Variants in CACNA1B observed in about 807,000 individuals in gnomAD.
The protein encoded by CACNA1B is voltage-dependent N-type calcium channel subunit alpha-1B.
Under a neutral mutation model 247.2 loss-of-function variants are expected in CACNA1B, and 70 were observed. That is an observed-to-expected ratio of 0.28 (90% CI 0.23 to 0.35). The LOEUF is 0.35. Ranked by LOEUF, CACNA1B falls within the 10% of genes least tolerant of loss-of-function variation. CACNA1B has a pLI of 1.00. For missense variants in CACNA1B, 2,367 were observed against 3,197.4 expected, an observed-to-expected ratio of 0.74 and a Z score of 6.26; for synonymous variants, 1,231 against 1,294.4, an observed-to-expected ratio of 0.95 and a Z score of 1.05.
intron 6 of CACNA1B, among the ~76,000 whole-genome samples, chr9:137,926,404 G>A (rs1334104931): frequency 6.6e-6 from 1 of 152,158 alleles, no homozygotes; most frequent in Non-Finnish European, 1.5e-5. Flanking sequence ...ATATTCCATT[G>A]TATGACATTT....
chr9:137,941,923 G>T (rs1019499754), intron 6 of CACNA1B, among the ~76,000 whole-genome samples: 1 of 152,138 alleles, frequency 6.6e-6, no homozygotes, highest in African/African-American at 2.4e-5. Context: ...CTTAGGCAAG[G>T]ACTTCATGAC....
At chr9:137,912,199 C>T (rs1026936503) in intron 3 of CACNA1B, among the ~76,000 whole-genome samples, 11 of 152,202 alleles carry the variant, frequency 7.2e-5, no homozygotes, top group Non-Finnish European at 1.3e-4. Flanking sequence ...TTGGGAATAA[C>T]GGACATGCGT....
chr9:137,888,018 G>A lies in CACNA1B; in HGVS notation c.530+5135G>A, dbSNP rs1223853421. ...AGGCTGGGAGGGTGGCGGGGGCAGG[G>A]GGGCCTTGGCTCGGGCGTTGGAGGG... On this transcript the variant is annotated intron_variant, in intron 3 of 46. Coordinates refer to ENST00000371372, the MANE Select transcript of CACNA1B (RefSeq NM_000718.4). This position sits in a 1 kb window ranked among gnomAD's most constrained non-coding sequence, Gnocchi z 4.7. Among the ~76,000 whole-genome samples the A allele has an allele frequency of 1.3e-5, 2 of 151,888 alleles. No individual in the cohort carries two copies. The highest frequency in any genetic ancestry group is 4.8e-5 in the African/African-American group (2 of 41,330).
chr9:138,037,251 T>G (rs999219151), intron 20 of CACNA1B, among the ~76,000 whole-genome samples: 3 of 152,246 alleles, frequency 2.0e-5, no homozygotes, highest in African/African-American at 7.2e-5. Flanking sequence ...GAAGCTCTAT[T>G]GTGGACCGTG....
Position 138,010,004 on chromosome 9 carries a change from A to C in CACNA1B, c.2093-6A>C, listed in dbSNP as rs1665969878. On this transcript the variant is annotated splice_polypyrimidine_tract_variant and splice_region_variant and intron_variant, in intron 16 of 46. Coordinates refer to ENST00000371372, the MANE Select transcript of CACNA1B (RefSeq NM_000718.4). The surrounding 1 kb of genome is among the most constrained non-coding windows in gnomAD (Gnocchi z 5.3). ...GAGGTTCCCTTCCTCAGCTGGACCC[A>C]ACCAGACACTCTGCTGAATGTCTTT... 1.9e-6 allele frequency: 3 copies of C among 1,613,012 alleles called. No homozygotes were observed. The African/African-American group carries it at 4.0e-5, about 22-fold the overall frequency.
In CACNA1B at chr9:138,100,191, G is replaced by A. The variant is rs1474427602; in HGVS notation, c.5223-2520G>A. Among the ~76,000 whole-genome samples, 1 of 152,166 alleles carries A rather than the reference G, an allele frequency of 6.6e-6. No homozygotes were observed. The highest frequency in any genetic ancestry group is 1.5e-5 in the Non-Finnish European group (1 of 68,016). The stretch of plus-strand genomic sequence containing the variant: ...GCTGGGGATGGGAGGTGGGGCAGAG[G>A]GAAGAGGGAGGCCAGGTGGCTTCTG... On this transcript the variant is annotated intron_variant, in intron 37 of 46. Coordinates refer to ENST00000371372, the MANE Select transcript of CACNA1B (RefSeq NM_000718.4). This position sits in a 1 kb window ranked among gnomAD's most constrained non-coding sequence, Gnocchi z 4.6.
intron 36 of CACNA1B, among the ~76,000 whole-genome samples, chr9:138,089,445 GA>G (rs1334837043): frequency 3.3e-5 from 5 of 152,026 alleles, no homozygotes; most frequent in Non-Finnish European, 5.9e-5. Flanking sequence ...AATAGACACA[GA>G]AAAAAATATT....
intron 39 of CACNA1B, 62 bp from the exon 40 acceptor site, chr9:138,112,336 G>A (rs1026400329): frequency 1.4e-5 from 17 of 1,208,452 alleles, no homozygotes; most frequent in Admixed American, 1.2e-4. Flanking sequence ...CCCCATTGGC[G>A]GCTGCAGGGC....
intron 20 of CACNA1B, among the ~76,000 whole-genome samples, chr9:138,039,436 C>T (rs1447439444): frequency 2.6e-5 from 4 of 152,060 alleles, no homozygotes; most frequent in Admixed American, 6.6e-5. Flanking sequence ...TAAGCAGTTT[C>T]GTCTGTTGGT....
At chr9:137,947,538 TCTTC>T (rs1183739248) in intron 6 of CACNA1B, among the ~76,000 whole-genome samples, 3 of 152,180 alleles carry the variant, frequency 2.0e-5, no homozygotes, top group East Asian at 1.9e-4. Flanking sequence ...TTTCCATTTT[TCTTC>T]CTTCCTTCCT....
chr9:137,935,277 C>T (rs187401797), intron 6 of CACNA1B, among the ~76,000 whole-genome samples: 24 of 152,174 alleles, frequency 1.6e-4, no homozygotes, highest in African/African-American at 3.9e-4. Flanking sequence ...TGACAGGCTC[C>T]GGCGTGTGAT....
Position 138,005,428 on chromosome 9 carries a change from G to A in CACNA1B, c.1975-1339G>A, listed in dbSNP as rs1369975888. On this transcript the variant is annotated intron_variant, in intron 15 of 46. Coordinates refer to ENST00000371372, the MANE Select transcript of CACNA1B (RefSeq NM_000718.4). The stretch of plus-strand genomic sequence containing the variant: ...GCAAAAAAGCTGATCTGGAGGTAGA[G>A]GTTAGAATGATGGCTACCAGAAGGT... Among the ~76,000 whole-genome samples, 4 of 152,304 alleles carry A rather than the reference G, an allele frequency of 2.6e-5. No homozygotes were observed. In the East Asian group the frequency reaches 7.7e-4, roughly 29 times the overall value.
At chr9:137,981,501 G>A (rs1038616516) in intron 12 of CACNA1B, among the ~76,000 whole-genome samples, 3 of 152,164 alleles carry the variant, frequency 2.0e-5, no homozygotes, top group Middle Eastern at 3.2e-3. Flanking sequence ...TTGTGTGTGT[G>A]TGTCTCGCTC....
chr9:137,911,525 C>T (rs1185335446), intron 3 of CACNA1B, among the ~76,000 whole-genome samples: 1 of 152,234 alleles, frequency 6.6e-6, no homozygotes, highest in Non-Finnish European at 1.5e-5. Flanking sequence ...AAGCAGTTCT[C>T]CTGCCTCAGC....
chr9:138,023,076 A>G lies in CACNA1B; in HGVS notation c.2333A>G (p.Gln778Arg). 6.5e-7 allele frequency: 1 copy of G among 1,529,842 alleles called. No homozygotes were observed. The highest frequency in any genetic ancestry group is 8.7e-7 in the Non-Finnish European group (1 of 1,145,016). 94.8% of individuals were successfully genotyped at this position (1,529,842 alleles called of 1,614,324 possible). Residue 778 changes from glutamine to arginine, a missense_variant, in exon 19 of 47, where the codon CAG (glutamine) becomes CGG (arginine). Physicochemically the swap from Gln to Arg is conservative, Grantham distance 43. This residue lies in a region of CACNA1B where 631 missense variants were observed against 631.1 expected (regional missense o/e 1.00). Transcript: ENST00000371372. ...CAGCGGGCCAGCCAGCTACGGCTGC[A>G]GAACCTGCGGGCCAGCTGCGAGGCG... is the stretch of plus-strand genomic sequence containing the variant. Reference protein sequence around the residue: ...WEQRASQLRLQNLRASCEALY... With the variant: ...WEQRASQLRLRNLRASCEALY...
chr9:137,935,500 T>C (rs1957655755), intron 6 of CACNA1B, among the ~76,000 whole-genome samples: 1 of 152,226 alleles, frequency 6.6e-6, no homozygotes, highest in African/African-American at 2.4e-5. Context: ...ATCCAGTCTA[T>C]CATTGATGGA....
chr9:138,090,383 C>T (rs1191272115), intron 36 of CACNA1B, among the ~76,000 whole-genome samples: 2 of 152,016 alleles, frequency 1.3e-5, no homozygotes, highest in South Asian at 2.1e-4. Context: ...CCCTATCTCT[C>T]GCTATTTACA....
chr9:137,992,956 G>A (rs1480383143), intron 15 of CACNA1B, among the ~76,000 whole-genome samples: 2 of 152,086 alleles, frequency 1.3e-5, no homozygotes, highest in African/African-American at 4.8e-5. Context: ...ATGAAATCAA[G>A]ATGCAAATTT....
chr9:138,035,482 A>G (rs1959031236), intron 20 of CACNA1B, among the ~76,000 whole-genome samples: 1 of 152,212 alleles, frequency 6.6e-6, no homozygotes, highest in Non-Finnish European at 1.5e-5. Context: ...AAAGAAAAGA[A>G]AAAGATGACT....
Sources: allele counts gnomAD v4.1 joint callset (sites outside exome capture counted in the v4.1 genomes callset), GRCh38; gene constraint gnomAD v4.1.1; regional missense constraint gnomAD v4.1.1; non-coding constraint Gnocchi (gnomAD v3.1); transcripts MANE v1.5; gene names NCBI Gene and HGNC (gene_info 2026-07-23, HGNC 2026-07-21).